Variants in CASD1 observed in about 807,000 individuals in gnomAD.
CASD1 encodes the protein CAS1 domain sialic acid O acetyltransferase 1.
A neutral mutation model predicts 100.0 loss-of-function variants in CASD1; 41 were observed. The observed-to-expected ratio is 0.41, with a 90% CI of 0.32 to 0.53. The LOEUF is 0.53. Ranked by LOEUF, CASD1 falls within the 20% of genes least tolerant of loss-of-function variation. The pLI is 0.25. For synonymous variants in CASD1, 321 were observed against 315.6 expected (o/e 1.02, Z -0.18); for missense variants, 774 against 948.7 (o/e 0.82, Z 2.42).
chr7:94,512,624 A>G (rs947864985), intron 1 of CASD1, among the ~76,000 whole-genome samples: 19 of 152,214 alleles, frequency 1.2e-4, no homozygotes, highest in African/African-American at 4.3e-4. Context: ...AAGGTTTTAC[A>G]TGTTTTAACT....
intron 11 of CASD1, 106 bp downstream of exon 11, chr7:94,544,636 T>C: frequency 8.6e-7 from 1 of 1,169,344 alleles, no homozygotes; most frequent in South Asian, 1.7e-5. Context: ...GACTGAATAA[T>C]TTGAATTTAT....
At chr7:94,542,682 G>T (rs1795472508) in intron 10 of CASD1, among the ~76,000 whole-genome samples, 1 of 152,110 alleles carries the variant, frequency 6.6e-6, no homozygotes, top group Non-Finnish European at 1.5e-5. Context: ...ACCATCTAAA[G>T]GTGGAATGGA....
At chr7:94,510,284 GC>G (rs1361089849) in intron 1 of CASD1, 67 bp downstream of exon 1, 4 of 1,205,644 alleles carry the variant, frequency 3.3e-6, no homozygotes, top group African/African-American at 1.6e-5. Flanking sequence ...GCTGGAGGCC[GC>G]CCCCATCGCC....
chr7:94,618,882 G>T, the CASD1 span: 9 of 1,613,834 alleles, frequency 5.6e-6, no homozygotes, highest in African/African-American at 1.2e-4. Flanking sequence ...AAGTCTCCAA[G>T]AACCTCACTG....
At chr7:94,585,557 G>A in the CASD1 span, 1 of 1,370,202 alleles carries the variant, frequency 7.3e-7, no homozygotes, top group Non-Finnish European at 1.0e-6. Flanking sequence ...GTTAGTCAGG[G>A]CATGGATACT....
the CASD1 span, chr7:94,624,411 T>G: frequency 2.6e-6 from 1 of 391,152 alleles, no homozygotes; most frequent in Non-Finnish European, 4.5e-6. Flanking sequence ...AAATAAATAA[T>G]TTTAAACTTT....
Position 94,537,648 on chromosome 7 carries a change from G to T in CASD1, c.1020G>T (p.Lys340Asn). The T allele has an allele frequency of 6.2e-7, 1 of 1,613,806 alleles. No homozygotes were observed. The highest frequency in any genetic ancestry group is 1.1e-5 in the South Asian group (1 of 91,060). Residue 340 changes from lysine to asparagine, a missense_variant, in exon 9 of 18, where the codon AAG becomes AAT. By Grantham distance (94) the Lys-to-Asn change is moderately conservative (BLOSUM62 0). Coordinates refer to ENST00000297273, the MANE Select transcript of CASD1 (RefSeq NM_022900.5). The stretch of plus-strand genomic sequence containing the variant: ...TAATTCATCGTAATGCTCATCGGAA[G>T]AATAAGCCGTGTACTGATTTGGAAA... ...FYIIHRNAHR[K>N]NKPCTDLESG...
In CASD1 at chr7:94,537,509, T is replaced by A. The variant is rs1795176820; in HGVS notation, c.881T>A (p.Ile294Asn). The change falls in exon 9 of 18, where the codon ATT (isoleucine) becomes AAT (asparagine). Residue 294 changes from isoleucine (I) to asparagine (N), a missense_variant. Transcript: ENST00000297273. ...CTTATGAATGTGTATTGCAATAAGATTTTGAAGCCTGTAGATGGGTCCTGT... is the reference window on the plus strand; with the variant it reads ...CTTATGAATGTGTATTGCAATAAGAATTTGAAGCCTGTAGATGGGTCCTGT... The part of the protein sequence containing the change: ...MILMNVYCNK[I>N]LKPVDGSCCQ... 1 of 1,611,838 alleles carries A rather than the reference T, an allele frequency of 6.2e-7. No homozygotes were observed. The highest frequency in any genetic ancestry group is 8.5e-7 in the Non-Finnish European group (1 of 1,179,336).
chr7:94,613,134 C>T, the CASD1 span, among the ~76,000 whole-genome samples: 1 of 152,144 alleles, frequency 6.6e-6, no homozygotes, highest in African/African-American at 2.4e-5. Flanking sequence ...AAACGGAACA[C>T]AGATGTCATG....
chr7:94,540,956 A>C (rs948893856), intron 10 of CASD1, among the ~76,000 whole-genome samples: 1 of 152,168 alleles, frequency 6.6e-6, no homozygotes, highest in African/African-American at 2.4e-5. Context: ...TTTATATCAT[A>C]AAAAGATGAA....
At chr7:94,562,588 G>C in the CASD1 span, among the ~76,000 whole-genome samples, 3 of 151,660 alleles carry the variant, frequency 2.0e-5, no homozygotes, top group African/African-American at 7.3e-5. Flanking sequence ...TCCTTATCCT[G>C]TTCACTTCAT....
At chr7:94,629,916 G>A in the CASD1 span, 1 of 1,563,730 alleles carries the variant, frequency 6.4e-7, no homozygotes, top group East Asian at 2.3e-5. Context: ...AGCTTACGCT[G>A]TTTATAAAGA....
intron 3 of CASD1, among the ~76,000 whole-genome samples, chr7:94,525,542 A>G (rs997328129): frequency 2.0e-5 from 3 of 152,230 alleles, no homozygotes; most frequent in African/African-American, 7.2e-5. Flanking sequence ...ATATTAAAAA[A>G]GGAAAAAGAA....
chr7:94,545,151 A>C (rs944664350), intron 11 of CASD1, among the ~76,000 whole-genome samples: 20 of 152,138 alleles, frequency 1.3e-4, no homozygotes, highest in Non-Finnish European at 1.3e-4. Flanking sequence ...GACAACTCTT[A>C]ATTTAATCCC....
the CASD1 span, chr7:94,623,476 C>A: frequency 6.7e-3 from 6,053 of 899,640 alleles, 38 homozygotes; most frequent in Non-Finnish European, 9.1e-3. Flanking sequence ...AAAATGAAAA[C>A]AAATTGTCAT....
chr7:94,600,399 T>C, the CASD1 span: 6 of 448,464 alleles, frequency 1.3e-5, no homozygotes, highest in South Asian at 1.2e-4. Context: ...GGGACTGTTT[T>C]GCCAGTGTGA....
intron 17 of CASD1, among the ~76,000 whole-genome samples, chr7:94,554,958 A>G (rs1796132468): frequency 6.6e-6 from 1 of 152,018 alleles, no homozygotes; most frequent in Non-Finnish European, 1.5e-5. Flanking sequence ...ATATTACTGG[A>G]ATTCAGTTTA....
chr7:94,598,832 G>A, the CASD1 span: 184 of 1,613,164 alleles, frequency 1.1e-4, no homozygotes, highest in Non-Finnish European at 1.4e-4. Context: ...GTGTAAAGGA[G>A]GTATGATTTC....
chr7:94,544,656 C>T lies in CASD1; in HGVS notation c.1476+126C>T, dbSNP rs1795589064. The stretch of plus-strand genomic sequence containing the variant: ...AATAATTTGAATTTATGAAATAGCA[C>T]TGTGAAGTTGTATTCTGTGTTCTGT... On this transcript the variant is annotated intron_variant, in intron 11 of 17. Transcript: ENST00000297273. 3 of 927,046 alleles carry T rather than the reference C, an allele frequency of 3.2e-6. No individual in the cohort carries two copies. In the African/African-American group the frequency reaches 5.1e-5, roughly 16 times the overall value. The allele number at this position is 927,046 out of a possible 1,614,324, so 57.4% of individuals were successfully genotyped here.
Sources: gnomAD v4.1 joint callset for allele counts (sites outside exome capture counted in the v4.1 genomes callset) on GRCh38, gnomAD v4.1.1 for gene constraint, MANE v1.5 for transcripts, NCBI Gene and HGNC (gene_info 2026-07-23, HGNC 2026-07-21) for gene names.